RBFOX1: variants seen among roughly 807,000 people sequenced by gnomAD.
The protein encoded by RBFOX1 is RNA binding fox-1 homolog 1.
A neutral mutation model predicts 57.7 loss-of-function variants in RBFOX1; 8 were observed. The ratio of observed to expected loss-of-function variants is 0.14; its 90% CI spans 0.08 to 0.25. The LOEUF (loss-of-function observed/expected upper bound fraction) is 0.25, where lower values mean the gene tolerates loss of function less well. Ranked by LOEUF, RBFOX1 falls within the 10% of genes least tolerant of loss-of-function variation. The pLI, the probability that RBFOX1 is intolerant of heterozygous loss-of-function variation, is 1.00. For synonymous variants in RBFOX1, 326 were observed against 222.4 expected (o/e 1.47, Z -4.15); for missense variants, 611 against 548.5 (o/e 1.11, Z -1.14).
chr16:6,303,127 C>T (rs2079018198), intron 1 of RBFOX1, among the ~76,000 whole-genome samples: 1 of 152,072 alleles, frequency 6.6e-6, no homozygotes, highest in African/African-American at 2.4e-5. Context: ...ATGATGAGAC[C>T]AGCTTGAATT....
chr16:7,532,200 G>A (rs1165704143), intron 5 of RBFOX1, among the ~76,000 whole-genome samples: 1 of 148,888 alleles, frequency 6.7e-6, no homozygotes, highest in Non-Finnish European at 1.5e-5. Flanking sequence ...GGTGGGTTTC[G>A]TCCCCCCTCT....
chr16:5,897,747 T>C (rs542890085), intron 4 of RBFOX1, among the ~76,000 whole-genome samples: 4 of 152,146 alleles, frequency 2.6e-5, no homozygotes, highest in Non-Finnish European at 4.4e-5. Context: ...CAGCATTTTG[T>C]TTTTTAGTCT....
intron 4 of RBFOX1, among the ~76,000 whole-genome samples, chr16:7,422,442 C>CT (rs2098551911): frequency 6.6e-6 from 1 of 152,122 alleles, no homozygotes; most frequent in Admixed American, 6.5e-5. Context: ...TTTCGGTTGC[C>CT]TTTTTCATTA....
chr16:5,771,019 A>G (rs1310229432), intron 3 of RBFOX1, among the ~76,000 whole-genome samples: 3 of 152,196 alleles, frequency 2.0e-5, no homozygotes, highest in Non-Finnish European at 1.5e-5. Context: ...CAGTGTTGGC[A>G]TCATGGAGTC....
chr16:7,152,390 A>C (rs2152295042), intron 4 of RBFOX1, among the ~76,000 whole-genome samples: 1 of 152,358 alleles, frequency 6.6e-6, no homozygotes, highest in South Asian at 2.1e-4. Flanking sequence ...CCAGTACCTA[A>C]TCCCAACCCT....
chr16:6,276,947 T>C (rs1032594555), intron 1 of RBFOX1, among the ~76,000 whole-genome samples: 1 of 152,160 alleles, frequency 6.6e-6, no homozygotes, highest in Non-Finnish European at 1.5e-5. Flanking sequence ...AAGTGGTCAG[T>C]AACCATTTGT....
At chr16:7,151,761 C>A (rs2152289227) in intron 4 of RBFOX1, among the ~76,000 whole-genome samples, 1 of 152,194 alleles carries the variant, frequency 6.6e-6, no homozygotes, top group African/African-American at 2.4e-5. Flanking sequence ...ACAGTCCCAT[C>A]TTGGGGTGAT....
At chr16:5,945,135 G>A (rs1294640164) in intron 4 of RBFOX1, among the ~76,000 whole-genome samples, 3 of 152,110 alleles carry the variant, frequency 2.0e-5, no homozygotes, top group African/African-American at 7.2e-5. Flanking sequence ...TCCAGGCTTA[G>A]ATGGTTCTGG....
intron 1 of RBFOX1, among the ~76,000 whole-genome samples, chr16:6,235,304 T>G (rs1252957456): frequency 1.3e-5 from 2 of 152,118 alleles, no homozygotes; most frequent in Non-Finnish European, 2.9e-5. Context: ...GTGCAATACT[T>G]ACTTTCCACC....
intron 3 of RBFOX1, among the ~76,000 whole-genome samples, chr16:6,866,801 C>T (rs546345914): frequency 1.3e-5 from 2 of 151,880 alleles, no homozygotes; most frequent in Admixed American, 1.3e-4. Context: ...CTTGGCCTCC[C>T]AAACTGCTGG....
chr16:5,767,995 G>C (rs1338503198), intron 3 of RBFOX1, among the ~76,000 whole-genome samples: 1 of 151,948 alleles, frequency 6.6e-6, no homozygotes, highest in Non-Finnish European at 1.5e-5. Context: ...GAAACAGTCG[G>C]GCCACCCATC....
intron 2 of RBFOX1, among the ~76,000 whole-genome samples, chr16:6,586,973 T>A (rs1020757816): frequency 1.5e-4 from 23 of 152,182 alleles, no homozygotes; most frequent in African/African-American, 5.5e-4. Flanking sequence ...TGGGTTTAAA[T>A]GAGTTAAATT....
At chr16:6,667,747 G>C (rs2098741711) in intron 3 of RBFOX1, among the ~76,000 whole-genome samples, 1 of 151,998 alleles carries the variant, frequency 6.6e-6, no homozygotes, top group Admixed American at 6.6e-5. Context: ...CACATAGTTA[G>C]GCATGATGGT....
At chr16:7,241,778 T>C (rs1302916248) in intron 4 of RBFOX1, among the ~76,000 whole-genome samples, 1 of 151,626 alleles carries the variant, frequency 6.6e-6, no homozygotes, top group African/African-American at 2.4e-5. Context: ...CTTCTTTTTC[T>C]CTTTCAATCT....
intron 3 of RBFOX1, among the ~76,000 whole-genome samples, chr16:6,668,090 T>G (rs980855057): frequency 2.3e-4 from 35 of 152,230 alleles, no homozygotes; most frequent in African/African-American, 8.2e-4. Flanking sequence ...CAATTACCTG[T>G]CTAGAGTTTT....
chr16:6,551,655 G>C (rs771711964), intron 2 of RBFOX1, among the ~76,000 whole-genome samples: 15 of 152,178 alleles, frequency 9.9e-5, no homozygotes, highest in Non-Finnish European at 2.1e-4. Flanking sequence ...GCTTGCCTGG[G>C]AATGTGTAGC....
intron 1 of RBFOX1, among the ~76,000 whole-genome samples, chr16:6,252,684 G>A (rs942225047): frequency 6.6e-6 from 1 of 152,170 alleles, no homozygotes; most frequent in African/African-American, 2.4e-5. Flanking sequence ...AAGCCAGTAG[G>A]ACAACAGTGG....
chr16:6,515,757 A>G (rs1392061677), intron 2 of RBFOX1, among the ~76,000 whole-genome samples: 3 of 152,126 alleles, frequency 2.0e-5, no homozygotes, highest in Non-Finnish European at 4.4e-5. Flanking sequence ...AATGTTAGCC[A>G]TAAACATACT....
At chr16:7,006,054 T>C (rs1199224653) in intron 3 of RBFOX1, among the ~76,000 whole-genome samples, 1 of 152,192 alleles carries the variant, frequency 6.6e-6, no homozygotes, top group Non-Finnish European at 1.5e-5. Flanking sequence ...GTATATGTTC[T>C]CCTTTGCAAT....
Sources: gnomAD v4.1 joint callset for allele counts (sites outside exome capture counted in the v4.1 genomes callset) on GRCh38, gnomAD v4.1.1 for gene constraint, MANE v1.5 for transcripts, NCBI Gene and HGNC (gene_info 2026-07-23, HGNC 2026-07-21) for gene names.